Variants in HIPK2 observed in about 807,000 individuals in gnomAD.
The protein encoded by HIPK2 is homeodomain-interacting protein kinase 2.
In HIPK2, 27 loss-of-function variants were observed where a neutral mutation model predicts 113.7. The observed-to-expected ratio is 0.24, with a 90% CI of 0.17 to 0.33. HIPK2 has a LOEUF of 0.33. HIPK2 is among the 10% of genes least tolerant of loss of function. HIPK2 has a pLI of 1.00. For missense variants in HIPK2, 1,257 were observed against 1,588.0 expected, an observed-to-expected ratio of 0.79 and a Z score of 3.54; for synonymous variants, 631 against 642.2, an observed-to-expected ratio of 0.98 and a Z score of 0.26.
At chr7:139,595,061 G>A (rs774262019) in intron 12 of HIPK2, among the ~76,000 whole-genome samples, 9 of 152,170 alleles carry the variant, frequency 5.9e-5, no homozygotes, top group African/African-American at 9.7e-5. Flanking sequence ...TCTCAGACAC[G>A]CTATTCAATT....
chr7:139,562,199 TCACA>T lies in HIPK2; in HGVS notation c.*10724_*10727del, dbSNP rs1177666320. 1 of 152,240 alleles carries T rather than the reference TCACA, an allele frequency of 6.6e-6. No homozygotes were observed. The highest frequency in any genetic ancestry group is 1.5e-5 in the Non-Finnish European group (1 of 68,048). 9.4% of individuals were successfully genotyped at this position (152,240 alleles called of 1,614,324 possible). On this transcript the variant is annotated 3_prime_UTR_variant, in exon 15 of 15. Coordinates refer to ENST00000406875, the MANE Select transcript of HIPK2 (RefSeq NM_022740.5). ...AAAATACTGTTGCACGCAATAATTT[TCACA>T]CAGATTAACATGGATTAACACTTTT...
chr7:139,700,744 C>G (rs893520477), intron 2 of HIPK2, among the ~76,000 whole-genome samples: 11 of 152,284 alleles, frequency 7.2e-5, no homozygotes, highest in Non-Finnish European at 1.5e-4. Context: ...TTTTCTGAGG[C>G]CTTCCTGTTC....
At chr7:139,604,499 G>C (rs1183541146) in intron 9 of HIPK2, among the ~76,000 whole-genome samples, 1 of 152,002 alleles carries the variant, frequency 6.6e-6, no homozygotes, top group Non-Finnish European at 1.5e-5. Context: ...GGCTAACACA[G>C]TGAAACCCCA....
At chr7:139,606,883 A>C (rs1211863182) in intron 9 of HIPK2, among the ~76,000 whole-genome samples, 2 of 152,250 alleles carry the variant, frequency 1.3e-5, no homozygotes, top group African/African-American at 4.8e-5. Flanking sequence ...CCAGACAGTA[A>C]AGGAAGCCTC....
intron 1 of HIPK2, among the ~76,000 whole-genome samples, chr7:139,762,658 C>T (rs1392693051): frequency 5.9e-5 from 9 of 152,342 alleles, no homozygotes. Flanking sequence ...AAAAGGGTGG[C>T]AATTTCCTCG....
At chr7:139,741,313 C>T (rs1395730216) in intron 1 of HIPK2, among the ~76,000 whole-genome samples, 5 of 152,234 alleles carry the variant, frequency 3.3e-5, no homozygotes, top group Admixed American at 6.5e-5. Context: ...CACTCGGTTT[C>T]ATCTTAGAGT....
intron 2 of HIPK2, among the ~76,000 whole-genome samples, chr7:139,638,994 T>C (rs562753038): frequency 1.3e-5 from 2 of 152,306 alleles, no homozygotes; most frequent in East Asian, 1.9e-4. Context: ...CGTTTGCATA[T>C]CTGCCTCTAC....
intron 1 of HIPK2, among the ~76,000 whole-genome samples, chr7:139,734,726 G>A (rs1795890293): frequency 6.6e-6 from 1 of 152,178 alleles, no homozygotes; most frequent in Non-Finnish European, 1.5e-5. Context: ...CACACACCCA[G>A]GGGACCACTG....
chr7:139,622,732 C>A (rs1800277280), intron 6 of HIPK2, among the ~76,000 whole-genome samples: 1 of 152,162 alleles, frequency 6.6e-6, no homozygotes, highest in Non-Finnish European at 1.5e-5. Context: ...GTTTTCCCAG[C>A]AAGTTCTAGA....
intron 1 of HIPK2, among the ~76,000 whole-genome samples, chr7:139,745,384 G>A (rs2117091780): frequency 1.3e-5 from 2 of 152,274 alleles, no homozygotes; most frequent in East Asian, 1.9e-4. Context: ...TAAAGGCTAG[G>A]GAGACTGAGG....
chr7:139,566,686 G>T lies in HIPK2; in HGVS notation c.*6241C>A, dbSNP rs1306318153. ...TTATCCCCCTCCCTGTGGGATGGCTGTTGGGGCCCCTTGAGACAACGCTCA... is the reference window on the plus strand; with the variant it reads ...TTATCCCCCTCCCTGTGGGATGGCTTTTGGGGCCCCTTGAGACAACGCTCA... On this transcript the variant is annotated 3_prime_UTR_variant, in exon 15 of 15. Transcript: ENST00000406875. This position sits in a 1 kb window ranked among gnomAD's most constrained non-coding sequence, Gnocchi z 4.1. 1 of 152,218 alleles carries T rather than the reference G, an allele frequency of 6.6e-6. No individual in the cohort carries two copies. The highest frequency in any genetic ancestry group is 1.5e-5 in the Non-Finnish European group (1 of 68,048). 9.4% of individuals were successfully genotyped at this position (152,218 alleles called of 1,614,324 possible).
At chr7:139,770,834 AGAC>A (rs1391961674) in intron 1 of HIPK2, among the ~76,000 whole-genome samples, 1 of 152,288 alleles carries the variant, frequency 6.6e-6, no homozygotes, top group Non-Finnish European at 1.5e-5. Flanking sequence ...TTGTTAAAAC[AGAC>A]TACTGTCAAA....
chr7:139,651,129 C>A (rs1291413573), intron 2 of HIPK2, among the ~76,000 whole-genome samples: 1 of 152,182 alleles, frequency 6.6e-6, no homozygotes, highest in African/African-American at 2.4e-5. Context: ...TAGGTCAGCA[C>A]CCCCTGATAC....
chr7:139,613,422 C>T lies in HIPK2; in HGVS notation c.1991-99G>A, dbSNP rs1192951160. On this transcript the variant is annotated intron_variant, in intron 8 of 14. Transcript: ENST00000406875. This position sits in a 1 kb window ranked among gnomAD's most constrained non-coding sequence, Gnocchi z 4.2. ...GGGCAGTTATGTCAACTTTCTGCTT[C>T]CCTTTGCACTGGTCACTGACAACAA... 6.4e-6 allele frequency: 9 copies of T among 1,409,902 alleles called. No homozygotes were observed. The highest frequency in any genetic ancestry group is 6.3e-5 in the Admixed American group (3 of 47,794). 87.3% of individuals were successfully genotyped at this position (1,409,902 alleles called of 1,614,324 possible).
Position 139,630,576 on chromosome 7 carries a change from T to A in HIPK2, c.1347+589A>T, listed in dbSNP as rs374728718. Among the ~76,000 whole-genome samples, 1 of 152,280 alleles carries A rather than the reference T, an allele frequency of 6.6e-6. No individual in the cohort carries two copies. The highest frequency in any genetic ancestry group is 2.4e-5 in the African/African-American group (1 of 41,548). On this transcript the variant is annotated intron_variant, in intron 4 of 14. Transcript: ENST00000406875. The surrounding 1 kb of genome is among the most constrained non-coding windows in gnomAD (Gnocchi z 4.0). ...CCACGCCCAGCTAATTTTTATACTTTTAGTAGAGACGGGGTTTCACCATGT... is the reference window on the plus strand; with the variant it reads ...CCACGCCCAGCTAATTTTTATACTTATAGTAGAGACGGGGTTTCACCATGT...
chr7:139,704,051 A>AGC (rs1794803081), intron 2 of HIPK2, among the ~76,000 whole-genome samples: 1 of 10,912 alleles, frequency 9.2e-5, no homozygotes, highest in Non-Finnish European at 6.2e-4. Flanking sequence ...ATACACACCC[A>AGC]ACACACACAC....
intron 10 of HIPK2, 185 bp downstream of exon 10, chr7:139,603,896 T>C (rs1397942396): frequency 4.8e-6 from 1 of 207,558 alleles, no homozygotes; most frequent in African/African-American, 2.4e-5. Flanking sequence ...TATCCTGGTA[T>C]ATTATTTAAA....
chr7:139,702,742 C>G (rs1318612694), intron 2 of HIPK2, among the ~76,000 whole-genome samples: 1 of 152,156 alleles, frequency 6.6e-6, no homozygotes, highest in Non-Finnish European at 1.5e-5. Flanking sequence ...CAGAGGACCC[C>G]TGGGCACACG....
chr7:139,590,688 A>G (rs1469473274), intron 12 of HIPK2, among the ~76,000 whole-genome samples: 1 of 152,204 alleles, frequency 6.6e-6, no homozygotes, highest in East Asian at 1.9e-4. Flanking sequence ...TGATGTGGTA[A>G]AGAATATGAC....
Sources: gnomAD v4.1 joint callset for allele counts (sites outside exome capture counted in the v4.1 genomes callset) on GRCh38, gnomAD v4.1.1 for gene constraint, Gnocchi (gnomAD v3.1) non-coding constraint, MANE v1.5 for transcripts, NCBI Gene and HGNC (gene_info 2026-07-23, HGNC 2026-07-21) for gene names.